Variants in UNC79 observed in about 807,000 individuals in gnomAD.
The protein encoded by UNC79 is protein unc-79 homolog.
UNC79 carries 37 observed loss-of-function variants against 283.1 expected under a neutral mutation model. That is an observed-to-expected ratio of 0.13 (90% CI 0.10 to 0.17). The LOEUF (loss-of-function observed/expected upper bound fraction) is 0.17. Among genes scored for constraint, UNC79 ranks in the 10% least tolerant of loss-of-function variants. The pLI is 1.00. For missense variants in UNC79, 2,272 were observed against 3,211.1 expected (o/e 0.71, Z 7.07); for synonymous variants, 1,107 against 1,200.2 (o/e 0.92, Z 1.61).
chr14:93,654,165 T>A, intron 37 of UNC79, 140 bp downstream of exon 40: 1 of 554,232 alleles, frequency 1.8e-6, no homozygotes, highest in Non-Finnish European at 2.8e-6. Context: ...AAATGAAATC[T>A]AAAATTTTAA....
At chr14:93,704,744 C>A in intron 48 of UNC79, 78 bp downstream of exon 51, 3 of 1,532,364 alleles carry the variant, frequency 2.0e-6, no homozygotes, top group African/African-American at 1.4e-5. Flanking sequence ...TGTTGATGCT[C>A]CATTTACTAT....
At chr14:93,437,689 A>G (rs890698516) in intron 1 of UNC79, among the ~76,000 whole-genome samples, 1 of 152,096 alleles carries the variant, frequency 6.6e-6, no homozygotes, top group Admixed American at 6.5e-5. Flanking sequence ...TCTAGGGAAA[A>G]ATCTCCCTTC....
chr14:93,696,116 T>A (rs943153826), intron 47 of UNC79, among the ~76,000 whole-genome samples: 3 of 152,134 alleles, frequency 2.0e-5, no homozygotes, highest in Admixed American at 2.0e-4. Flanking sequence ...TTGCGATTAA[T>A]CCATGTTATT....
At chr14:93,493,890 TA>T (rs1228504979) in intron 5 of UNC79, among the ~76,000 whole-genome samples, 1,374 of 70,744 alleles carry the variant, frequency 0.019, 37 homozygotes, top group Non-Finnish European at 0.027. Flanking sequence ...TATATATATA[TA>T]TATATATATA....
intron 26 of UNC79, among the ~76,000 whole-genome samples, chr14:93,609,056 A>G (rs1364871168): frequency 1.3e-5 from 2 of 152,106 alleles, no homozygotes; most frequent in East Asian, 3.8e-4. Context: ...GCTGAAGGAA[A>G]TTTTCCTCCA....
At position 93,479,228 on chromosome 14, in the gene UNC79, CT is replaced by C. The variant is rs796808857; in HGVS notation, c.619+1503del. Among the ~76,000 whole-genome samples, 432 of 118,120 alleles carry C rather than the reference CT, an allele frequency of 3.7e-3. 3 individuals are homozygous for C. The highest frequency in any genetic ancestry group is 0.013 in the African/African-American group (376 of 30,034). The allele number at this position is 118,120 out of a possible 152,430, so 77.5% of individuals were successfully genotyped here. ...CCTTCCTTCCTTCCTTCCTTCCTTC[CT>C]TTCCTTCCTTCCTCCTTCCCTCCCT... On this transcript the variant is annotated intron_variant, in intron 4 of 48. Transcript: ENST00000555664.
In UNC79 at chr14:93,653,873, A is replaced by G. The variant is rs1399776635; in HGVS notation, c.6196+19A>G. The G allele has an allele frequency of 5.0e-6, 8 of 1,613,950 alleles. No individual in the cohort carries two copies. The highest frequency in any genetic ancestry group is 6.8e-6 in the Non-Finnish European group (8 of 1,179,968). On this transcript the variant is annotated intron_variant, in intron 36 of 48. Coordinates refer to ENST00000555664, the Ensembl canonical transcript of UNC79. ...ATCAAAGGTAATTCATCCACTGAGG[A>G]TCCAGGCACCACAAATTTGCCTCAT...
In UNC79 at chr14:93,474,411, A is replaced by G; in HGVS notation, c.448+18A>G. ...CCAACACGGTGAGCACTTAGCTGAA[A>G]CCTTTGGAAATGTACGTGGATGCTT... On this transcript the variant is annotated intron_variant, in intron 3 of 48. Coordinates refer to ENST00000555664, the Ensembl canonical transcript of UNC79. This position sits in a 1 kb window ranked among gnomAD's most constrained non-coding sequence, Gnocchi z 4.1. The G allele has an allele frequency of 1.3e-6, 2 of 1,527,576 alleles. No individual in the cohort carries two copies. Among genetic ancestry groups the G allele is most frequent in the Non-Finnish European group, 1.8e-6 (2 of 1,140,916 alleles). 94.6% of individuals were successfully genotyped at this position (1,527,576 alleles called of 1,614,324 possible).
chr14:93,555,852 A>C (rs1384507001), intron 14 of UNC79, among the ~76,000 whole-genome samples: 3 of 152,212 alleles, frequency 2.0e-5, no homozygotes, highest in Non-Finnish European at 4.4e-5. Context: ...TTTATATTTT[A>C]CTTAAACCAA....
chr14:93,552,144 T>C (rs567006822), intron 14 of UNC79, among the ~76,000 whole-genome samples: 11 of 152,366 alleles, frequency 7.2e-5, no homozygotes, highest in Non-Finnish European at 1.5e-4. Flanking sequence ...AAGTCCAGTT[T>C]AATAATGCTA....
intron 4 of UNC79, among the ~76,000 whole-genome samples, chr14:93,485,235 CGTGTGT>C (rs35445070): frequency 4.1e-5 from 6 of 145,080 alleles, no homozygotes; most frequent in African/African-American, 1.0e-4. Context: ...TATATATATA[CGTGTGT>C]GTGTGTGTGT....
At chr14:93,337,055 G>A (rs986683727) in intron 1 of UNC79, among the ~76,000 whole-genome samples, 5 of 152,212 alleles carry the variant, frequency 3.3e-5, no homozygotes, top group Admixed American at 2.0e-4. Context: ...CTGGGGGCCA[G>A]GCTGCCAGTT....
rs546575232 is a variant in UNC79, at chr14:93,366,833, A to C, written c.-351+33310A>C. 2.0e-5 allele frequency among the ~76,000 whole-genome samples: 3 copies of C among 152,248 alleles called. No individual in the cohort carries two copies. In the East Asian group the frequency reaches 5.8e-4, roughly 29 times the overall value. On this transcript the variant is annotated intron_variant, in intron 1 of 49. Coordinates refer to the UNC79 transcript ENST00000256339. The stretch of plus-strand genomic sequence containing the variant: ...GGTGATCCACCTGCCTCAGCCTCCC[A>C]AAGTGCTGGGATTATAGGTGTGAGC...
intron 47 of UNC79, among the ~76,000 whole-genome samples, chr14:93,701,621 CA>C (rs1033211624): frequency 2.0e-5 from 3 of 152,142 alleles, no homozygotes; most frequent in African/African-American, 4.8e-5. Flanking sequence ...TTCTTACTGA[CA>C]GATTTGTAGG....
chr14:93,497,028 T>G, intron 6 of UNC79, 129 bp from the exon 7 acceptor site: 231 of 963,000 alleles, frequency 2.4e-4, no homozygotes, highest in Non-Finnish European at 3.1e-4. Context: ...CATGTCTGCA[T>G]GAGATTCCAG....
chr14:93,394,246 CATT>C (rs1390700848), intron 1 of UNC79, among the ~76,000 whole-genome samples: 1 of 152,120 alleles, frequency 6.6e-6, no homozygotes, highest in Admixed American at 6.6e-5. Context: ...TGATACTTAA[CATT>C]ATTCAGTTTT....
intron 38 of UNC79, among the ~76,000 whole-genome samples, chr14:93,658,592 A>C (rs1184569742): frequency 3.3e-5 from 5 of 152,198 alleles, no homozygotes; most frequent in Non-Finnish European, 5.9e-5. Flanking sequence ...GAATCTTGTC[A>C]ATATAGAACT....
chr14:93,694,530 AATTC>A, intron 47 of UNC79, 118 bp downstream of exon 50: 1 of 958,438 alleles, frequency 1.0e-6, no homozygotes, highest in South Asian at 1.6e-5. Flanking sequence ...GGGGCTGGAG[AATTC>A]AGGCTCCTAT....
intron 39 of UNC79, among the ~76,000 whole-genome samples, chr14:93,660,563 A>ATATATATATATGTGTGTGTG (rs1203621990): frequency 4.3e-4 from 28 of 64,754 alleles, no homozygotes; most frequent in Non-Finnish European, 6.4e-4. Flanking sequence ...ATATATATAT[A>ATATATATATATGTGTGTGTG]TGTGTGTGTG....
Sources: gnomAD v4.1 joint callset for allele counts (sites outside exome capture counted in the v4.1 genomes callset) on GRCh38, gnomAD v4.1.1 for gene constraint, Gnocchi (gnomAD v3.1) non-coding constraint, MANE v1.5 for transcripts, NCBI Gene and HGNC (gene_info 2026-07-23, HGNC 2026-07-21) for gene names.